The following ATR variants were observed in gnomAD, a reference collection of about 807,000 sequenced individuals.
ATR encodes the protein serine/threonine-protein kinase ATR.
ATR carries 142 observed loss-of-function variants against 305.3 expected under a neutral mutation model. The ratio of observed to expected loss-of-function variants is 0.47; its 90% CI spans 0.41 to 0.53. The LOEUF is 0.53. ATR is among the 20% of genes least tolerant of loss of function. The pLI is 0.00. For missense variants in ATR, 2,135 were observed against 3,133.1 expected (o/e 0.68, Z 7.60); for synonymous variants, 1,050 against 1,068.1 (o/e 0.98, Z 0.33).
At position 142,568,268 on chromosome 3, in the gene ATR, C is replaced by T. The variant is rs79083130; in HGVS notation, c.60-114G>A. ...TGTTCAGTGTCAATGTTGATATTCA[C>T]AGTATTCTTCTGTTTAAAAATTGAA... On this transcript the variant is annotated intron_variant, in intron 1 of 46. Coordinates refer to ENST00000350721, the MANE Select transcript of ATR (RefSeq NM_001184.4). 5.7e-4 allele frequency: 433 copies of T among 753,684 alleles called. 5 individuals carry two copies. In the East Asian group the frequency reaches 0.012, roughly 20 times the overall value. 46.7% of individuals were successfully genotyped at this position (753,684 alleles called of 1,614,324 possible).
At chr3:142,556,216 A>G in intron 9 of ATR, 77 bp from the exon 10 acceptor site, 1 of 1,555,096 alleles carries the variant, frequency 6.4e-7, no homozygotes, top group South Asian at 1.2e-5. Context: ...AATTTGGGAC[A>G]AAAGTACTGG....
intron 22 of ATR, 51 bp downstream of exon 22, chr3:142,523,942 A>C (rs1242460625): frequency 3.2e-6 from 5 of 1,555,562 alleles, no homozygotes; most frequent in Non-Finnish European, 4.4e-6. Context: ...AAATATATAA[A>C]CCTCAATAGG....
intron 21 of ATR, among the ~76,000 whole-genome samples, chr3:142,534,395 C>T (rs1290237752): frequency 6.6e-6 from 1 of 152,062 alleles, no homozygotes; most frequent in Admixed American, 6.6e-5. Context: ...TATCTTTTGT[C>T]CTAAGTAAGT....
intron 4 of ATR, among the ~76,000 whole-genome samples, chr3:142,561,755 CTAAAA>C (rs975691283): frequency 1.9e-4 from 29 of 152,242 alleles, no homozygotes; most frequent in Admixed American, 1.4e-3. Context: ...GATTAATAAA[CTAAAA>C]TATTTAATCA....
intron 16 of ATR, among the ~76,000 whole-genome samples, chr3:142,545,396 C>A (rs1361420678): frequency 2.0e-5 from 3 of 151,964 alleles, no homozygotes; most frequent in Admixed American, 6.6e-5. Context: ...GGGCCTAGGT[C>A]TCGAAGCAGG....
At chr3:142,521,202 GACA>G (rs937715659) in intron 23 of ATR, among the ~76,000 whole-genome samples, 51 of 152,288 alleles carry the variant, frequency 3.3e-4, no homozygotes, top group African/African-American at 1.0e-3. Flanking sequence ...AAGCCTGAAT[GACA>G]ACACATCTGT....
chr3:142,452,888 A>G (rs932333317), intron 46 of ATR: 6 of 1,355,150 alleles, frequency 4.4e-6, no homozygotes, highest in Admixed American at 6.1e-5. Context: ...TGAATTGTCT[A>G]TGGTTAAACA....
chr3:142,534,998 C>T, intron 21 of ATR, 82 bp downstream of exon 21: 1 of 1,454,312 alleles, frequency 6.9e-7, no homozygotes. Context: ...AAATCTCAAA[C>T]AAAAATGTCA....
At chr3:142,468,796 C>G (rs774471663) in intron 38 of ATR, among the ~76,000 whole-genome samples, 2 of 152,090 alleles carry the variant, frequency 1.3e-5, no homozygotes, top group African/African-American at 4.8e-5. Context: ...TTGAGCCCAG[C>G]CTGAGCAACA....
At chr3:142,467,467 T>C (rs1368662300) in intron 39 of ATR, among the ~76,000 whole-genome samples, 2 of 152,136 alleles carry the variant, frequency 1.3e-5, no homozygotes, top group South Asian at 2.1e-4. Context: ...TGTCCCCTCA[T>C]AGGCACTGAA....
At chr3:142,515,756 T>C (rs2032833024) in intron 24 of ATR, among the ~76,000 whole-genome samples, 1 of 152,160 alleles carries the variant, frequency 6.6e-6, no homozygotes. Context: ...TCTTCTTATA[T>C]AAGAAAAACC....
intron 25 of ATR, among the ~76,000 whole-genome samples, chr3:142,514,141 C>T (rs1295942927): frequency 6.6e-6 from 1 of 151,406 alleles, no homozygotes; most frequent in Non-Finnish European, 1.5e-5. Context: ...GGTATGGTGG[C>T]GGGTGCCTGT....
intron 18 of ATR, among the ~76,000 whole-genome samples, chr3:142,540,163 T>G (rs2033998408): frequency 1.3e-5 from 2 of 152,156 alleles, no homozygotes; most frequent in Non-Finnish European, 2.9e-5. Flanking sequence ...AAAGTTAAAT[T>G]AGCTATTCGC....
At chr3:142,550,338 CAAA>C (rs1410671070) in intron 13 of ATR, 36 bp from the exon 14 acceptor site, 1 of 1,598,862 alleles carries the variant, frequency 6.3e-7, no homozygotes, top group African/African-American at 1.3e-5. Context: ...AGTTTTCACA[CAAA>C]GAAGAAATTT....
At position 142,560,345 on chromosome 3, in the gene ATR, T is replaced by C. The variant is rs764556869; in HGVS notation, c.1459A>G (p.Ile487Val). Reference sequence around the variant, plus strand: ...ACAGCAATTCCTTCTAACATCTCAATAACAGGATTCTTTAGGCCACTGTAT... The same window carrying C: ...ACAGCAATTCCTTCTAACATCTCAACAACAGGATTCTTTAGGCCACTGTAT... ...LEYSGLKNPV[I>V]EMLEGIAVVL... Residue 487 changes from isoleucine (I) to valine (V), a missense_variant, in exon 6 of 47, where the codon ATT becomes GTT. Around this residue, in one of 9 missense-constraint regions of ATR, gnomAD observed 744 missense variants for 873.2 expected, o/e 0.85. Transcript: ENST00000350721. 6.2e-7 allele frequency: 1 copy of C among 1,613,804 alleles called. No individual in the cohort carries two copies. Among genetic ancestry groups the C allele is most frequent in the Non-Finnish European group, 8.5e-7 (1 of 1,179,800 alleles).
intron 29 of ATR, 95 bp from the exon 30 acceptor site, chr3:142,503,548 T>G: frequency 3.1e-6 from 2 of 648,802 alleles, no homozygotes; most frequent in Non-Finnish European, 5.1e-6. Flanking sequence ...AAAATTACTA[T>G]TTACCTTATT....
At chr3:142,529,642 G>A (rs1167141129) in intron 21 of ATR, among the ~76,000 whole-genome samples, 2 of 152,010 alleles carry the variant, frequency 1.3e-5, no homozygotes, top group African/African-American at 4.8e-5. Flanking sequence ...TTCAATTCTT[G>A]TAGGTTTAAA....
At chr3:142,514,150 G>A (rs2032738770) in intron 25 of ATR, among the ~76,000 whole-genome samples, 1 of 151,768 alleles carries the variant, frequency 6.6e-6, no homozygotes, top group South Asian at 2.1e-4. Flanking sequence ...GCGGGTGCCT[G>A]TAGTTCCAGA....
At chr3:142,478,258 T>A (rs1303206333) in intron 36 of ATR, among the ~76,000 whole-genome samples, 1 of 152,230 alleles carries the variant, frequency 6.6e-6, no homozygotes, top group African/African-American at 2.4e-5. Context: ...CACACTGCTT[T>A]AAATGTGTCC....
Sources: allele counts gnomAD v4.1 joint callset (sites outside exome capture counted in the v4.1 genomes callset), GRCh38; gene constraint gnomAD v4.1.1; regional missense constraint gnomAD v4.1.1; transcripts MANE v1.5; gene names NCBI Gene and HGNC (gene_info 2026-07-23, HGNC 2026-07-21).